LRFN5: variants seen among roughly 807,000 people sequenced by gnomAD.
LRFN5 encodes leucine rich repeat and fibronectin type III domain containing 5, also known as leucine-rich repeat and fibronectin type-III domain-containing protein 5.
LRFN5 carries 24 observed loss-of-function variants against 45.6 expected under a neutral mutation model. The observed-to-expected ratio is 0.53, with a 90% CI of 0.38 to 0.74. The LOEUF (loss-of-function observed/expected upper bound fraction) is 0.74, where lower values mean the gene tolerates loss of function less well. Ranked by LOEUF, LRFN5 falls within the 30% of genes least tolerant of loss-of-function variation. The pLI is 0.00. For synonymous variants in LRFN5, 340 were observed against 313.8 expected, an observed-to-expected ratio of 1.08 and a Z score of -0.88; for missense variants, 776 against 861.5, an observed-to-expected ratio of 0.90 and a Z score of 1.24.
intron 2 of LRFN5, among the ~76,000 whole-genome samples, chr14:41,770,323 T>C (rs1886036525): frequency 6.6e-6 from 1 of 152,196 alleles, no homozygotes; most frequent in African/African-American, 2.4e-5. Flanking sequence ...TCTTTTCAGA[T>C]TGCAAAATAC....
chr14:41,735,297 TCA>T (rs1445979351), intron 1 of LRFN5, among the ~76,000 whole-genome samples: 1 of 152,140 alleles, frequency 6.6e-6, no homozygotes, highest in Non-Finnish European at 1.5e-5. Context: ...ATACAGTGTC[TCA>T]GTCTGTTACC....
intron 4 of LRFN5, chr14:41,894,345 T>C (rs1373682486): frequency 3.4e-6 from 3 of 873,924 alleles, no homozygotes; most frequent in East Asian, 1.2e-4. Flanking sequence ...ACATTTAAAA[T>C]TCCATATTTA....
chr14:41,674,932 G>A (rs919381465), intron 1 of LRFN5, among the ~76,000 whole-genome samples: 20 of 151,150 alleles, frequency 1.3e-4, no homozygotes, highest in Admixed American at 1.2e-3. Flanking sequence ...ACGGGGTCGC[G>A]GCCGGGTAGA....
intron 1 of LRFN5, among the ~76,000 whole-genome samples, chr14:41,675,241 C>T (rs1881562934): frequency 6.6e-6 from 1 of 152,234 alleles, no homozygotes; most frequent in Admixed American, 6.5e-5. Context: ...CTTTGGGAGG[C>T]CAAGGCAGGC....
intron 2 of LRFN5, among the ~76,000 whole-genome samples, chr14:41,779,560 T>A (rs1428545317): frequency 1.3e-5 from 2 of 151,908 alleles, no homozygotes; most frequent in Non-Finnish European, 2.9e-5. Context: ...TAATTTCCCC[T>A]TACGTGTTTT....
chr14:41,715,338 T>C (rs1246908573), intron 1 of LRFN5, among the ~76,000 whole-genome samples: 1 of 152,196 alleles, frequency 6.6e-6, no homozygotes, highest in South Asian at 2.1e-4. Context: ...TTTGATCCAA[T>C]AATGTGGAAT....
intron 2 of LRFN5, among the ~76,000 whole-genome samples, chr14:41,834,250 T>C (rs1888583707): frequency 2.6e-5 from 4 of 152,212 alleles, no homozygotes; most frequent in Admixed American, 6.5e-5. Context: ...TAGCTGAAAA[T>C]CTTAAATATC....
intron 2 of LRFN5, among the ~76,000 whole-genome samples, chr14:41,850,067 T>C (rs1889211394): frequency 6.6e-6 from 1 of 151,930 alleles, no homozygotes; most frequent in Admixed American, 6.6e-5. Context: ...ATACATGTAA[T>C]AATATGTGCA....
At chr14:41,824,739 ATGCCCTGAGTTTCC>A (rs1468572906) in intron 2 of LRFN5, among the ~76,000 whole-genome samples, 1 of 152,086 alleles carries the variant, frequency 6.6e-6, no homozygotes. Flanking sequence ...TGCATGCCTG[ATGCCCTGAGTTTCC>A]TTCTTAGCCT....
At chr14:41,848,224 A>G (rs1317252876) in intron 2 of LRFN5, among the ~76,000 whole-genome samples, 1 of 152,098 alleles carries the variant, frequency 6.6e-6, no homozygotes, top group Non-Finnish European at 1.5e-5. Context: ...CACGCAAAAT[A>G]AATAATAATA....
At chr14:41,860,838 C>T (rs1183260021) in intron 2 of LRFN5, among the ~76,000 whole-genome samples, 2 of 152,158 alleles carry the variant, frequency 1.3e-5, no homozygotes, top group Non-Finnish European at 2.9e-5. Flanking sequence ...GGAAGAAATA[C>T]TTGGAAAACG....
chr14:41,772,117 G>A (rs1008404046), intron 2 of LRFN5, among the ~76,000 whole-genome samples: 4 of 152,092 alleles, frequency 2.6e-5, no homozygotes, highest in African/African-American at 9.7e-5. Context: ...ACAAGAGAGC[G>A]AGGGGGGAGA....
At chr14:41,722,441 A>T (rs896147243) in intron 1 of LRFN5, among the ~76,000 whole-genome samples, 1 of 152,042 alleles carries the variant, frequency 6.6e-6, no homozygotes, top group African/African-American at 2.4e-5. Flanking sequence ...CAGATTTTTC[A>T]TGGTTCCAGA....
At chr14:41,670,890 T>A (rs1273365469) in intron 1 of LRFN5, among the ~76,000 whole-genome samples, 1 of 152,098 alleles carries the variant, frequency 6.6e-6, no homozygotes, top group Non-Finnish European at 1.5e-5. Context: ...TTATATGTTC[T>A]ATTTCACTTT....
intron 1 of LRFN5, among the ~76,000 whole-genome samples, chr14:41,610,743 T>C (rs760923189): frequency 7.1e-6 from 1 of 141,016 alleles, no homozygotes; most frequent in Non-Finnish European, 1.6e-5. Flanking sequence ...TGGGAATAAA[T>C]TTAAAAAAGG....
rs571315813 is a variant in LRFN5 at position 41,691,373 on chromosome 14, A to G, written c.-196-75481A>G. The stretch of plus-strand genomic sequence containing the variant: ...ATCACATTTTACCTATGAATTATAT[A>G]CATGTATATTTGGAACTTTTAGTTG... On this transcript the variant is annotated intron_variant, in intron 1 of 5. Coordinates refer to ENST00000298119, the MANE Select transcript of LRFN5 (RefSeq NM_152447.5). Among the ~76,000 whole-genome samples the G allele has an allele frequency of 1.1e-4, 17 of 152,220 alleles. No individual in the cohort carries two copies. The South Asian group carries it at 3.3e-3, about 30-fold the overall frequency.
At position 41,847,619 on chromosome 14, in the gene LRFN5, T is replaced by C. The variant is rs558750229; in HGVS notation, c.-20-38987T>C. ...TTAATCGTTTGATATGTGTTTTTTT[T>C]CAGAATTATTACCCTTCTTTCCGAT... On this transcript the variant is annotated intron_variant, in intron 2 of 5. Transcript: ENST00000298119. Among the ~76,000 whole-genome samples the C allele has an allele frequency of 3.9e-5, 6 of 152,234 alleles. No homozygotes were observed. The South Asian group carries it at 1.2e-3, about 32-fold the overall frequency.
intron 2 of LRFN5, among the ~76,000 whole-genome samples, chr14:41,882,758 G>A (rs552381970): frequency 2.0e-5 from 3 of 150,466 alleles, no homozygotes; most frequent in East Asian, 2.0e-4. Flanking sequence ...GGCAGGATTC[G>A]TTTTATCCCA....
chr14:41,833,898 T>G (rs960417481), intron 2 of LRFN5, among the ~76,000 whole-genome samples: 1 of 152,222 alleles, frequency 6.6e-6, no homozygotes, highest in Non-Finnish European at 1.5e-5. Context: ...TGAAGTTCAG[T>G]ATTTACTTAT....
Sources: allele counts gnomAD v4.1 joint callset (sites outside exome capture counted in the v4.1 genomes callset), GRCh38; gene constraint gnomAD v4.1.1; transcripts MANE v1.5; gene names NCBI Gene and HGNC (gene_info 2026-07-23, HGNC 2026-07-21).